Variants in ZBTB20 observed in about 807,000 individuals in gnomAD.
The protein encoded by ZBTB20 is zinc finger and BTB domain-containing protein 20.
A neutral mutation model predicts 56.9 loss-of-function variants in ZBTB20; 9 were observed. The ratio of observed to expected loss-of-function variants is 0.16; its 90% CI spans 0.10 to 0.28. ZBTB20 has a LOEUF of 0.28. Ranked by LOEUF, ZBTB20 falls within the 10% of genes least tolerant of loss-of-function variation. The pLI is 1.00. For synonymous variants in ZBTB20, 417 were observed against 420.7 expected, an observed-to-expected ratio of 0.99 and a Z score of 0.11; for missense variants, 655 against 1,003.0, an observed-to-expected ratio of 0.65 and a Z score of 4.69.
intron 6 of ZBTB20, among the ~76,000 whole-genome samples, chr3:114,627,015 C>A (rs1276167369): frequency 1.3e-5 from 2 of 152,292 alleles, no homozygotes; most frequent in East Asian, 3.9e-4. Flanking sequence ...TTGGCTCAAT[C>A]TCTTCATGGA....
intron 6 of ZBTB20, among the ~76,000 whole-genome samples, chr3:114,507,898 C>T (rs781350732): frequency 4.1e-4 from 62 of 152,010 alleles, no homozygotes; most frequent in Admixed American, 1.4e-3. Flanking sequence ...ATGGTGCTCA[C>T]GTTTTTTATT....
intron 7 of ZBTB20, among the ~76,000 whole-genome samples, chr3:114,412,405 A>C (rs1276976837): frequency 1.3e-5 from 2 of 152,090 alleles, no homozygotes; most frequent in Non-Finnish European, 2.9e-5. Flanking sequence ...CAGAAATAGG[A>C]TTGGAAACAA....
intron 2 of ZBTB20, among the ~76,000 whole-genome samples, chr3:115,011,548 T>C (rs571369045): frequency 6.6e-6 from 1 of 152,038 alleles, no homozygotes; most frequent in South Asian, 2.1e-4. Flanking sequence ...TAGAATAGCA[T>C]ATCTGGTGAA....
intron 5 of ZBTB20, among the ~76,000 whole-genome samples, chr3:114,757,957 TATTA>T (rs1174097612): frequency 1.3e-5 from 2 of 152,118 alleles, no homozygotes; most frequent in Non-Finnish European, 2.9e-5. Flanking sequence ...ATCTTGCAAT[TATTA>T]ATTAGTTAAT....
chr3:114,696,090 G>A (rs2062994601), intron 5 of ZBTB20, among the ~76,000 whole-genome samples: 1 of 151,938 alleles, frequency 6.6e-6, no homozygotes, highest in Non-Finnish European at 1.5e-5. Flanking sequence ...ACAGAGATGG[G>A]ATAATACCAA....
rs574419984 is a variant in ZBTB20, at chr3:114,410,819, G to A, written c.-254-21714C>T. On this transcript the variant is annotated intron_variant, in intron 7 of 11. Transcript: ENST00000675478. Reference sequence around the variant, plus strand: ...CAGACAGGTGGCAGATTTGAGGTCCGGAGGAGAGGAAGGGCTCCATTTTGA... The same window carrying A: ...CAGACAGGTGGCAGATTTGAGGTCCAGAGGAGAGGAAGGGCTCCATTTTGA... Among the ~76,000 whole-genome samples, 7 of 152,202 alleles carry A rather than the reference G, an allele frequency of 4.6e-5. No homozygotes were observed. In the East Asian group the frequency reaches 9.7e-4, roughly 21 times the overall value.
chr3:114,651,706 A>G (rs571240359), intron 6 of ZBTB20, among the ~76,000 whole-genome samples: 1 of 152,228 alleles, frequency 6.6e-6, no homozygotes, highest in African/African-American at 2.4e-5. Flanking sequence ...GAAATAAAAT[A>G]TATTTAGAAA....
Position 114,663,864 on chromosome 3 carries a change from T to C in ZBTB20, c.-295+29664A>G, listed in dbSNP as rs376372752. On this transcript the variant is annotated intron_variant, in intron 6 of 11. Coordinates refer to ENST00000675478, the MANE Select transcript of ZBTB20 (RefSeq NM_001348800.3). The stretch of plus-strand genomic sequence containing the variant: ...CTATCCTAAATATATATGCACCCAA[T>C]ACAGGAGCACCCAGATTCATAAAGC... 2.0e-5 allele frequency among the ~76,000 whole-genome samples: 3 copies of C among 151,138 alleles called. No homozygotes were observed. The South Asian group carries it at 6.3e-4, about 32-fold the overall frequency.
intron 1 of ZBTB20, among the ~76,000 whole-genome samples, chr3:115,080,384 A>T (rs1364779988): frequency 6.6e-6 from 1 of 152,188 alleles, no homozygotes. Flanking sequence ...ACTCAAATCC[A>T]CCTTGGGCTA....
intron 4 of ZBTB20, among the ~76,000 whole-genome samples, chr3:114,809,389 C>A (rs2072349509): frequency 6.6e-6 from 1 of 151,968 alleles, no homozygotes; most frequent in South Asian, 2.1e-4. Flanking sequence ...CAAATTAGAC[C>A]ATTTCTATTA....
chr3:114,491,052 C>T (rs576960987), intron 7 of ZBTB20, among the ~76,000 whole-genome samples: 1 of 152,300 alleles, frequency 6.6e-6, no homozygotes, highest in African/African-American at 2.4e-5. Context: ...GTCTTACTCA[C>T]CTCTGTATTT....
chr3:114,676,566 G>A (rs114541454), intron 6 of ZBTB20, among the ~76,000 whole-genome samples: 3,050 of 151,824 alleles, frequency 0.02, 44 homozygotes, highest in Middle Eastern at 0.055. Flanking sequence ...CAAATGTTCA[G>A]TATGTTGAAC....
At chr3:114,533,293 A>G (rs2048080439) in intron 6 of ZBTB20, among the ~76,000 whole-genome samples, 1 of 152,092 alleles carries the variant, frequency 6.6e-6, no homozygotes, top group Non-Finnish European at 1.5e-5. Flanking sequence ...AGAGAAGAAC[A>G]TAAATTACCT....
At chr3:114,958,735 T>TTAC (rs1210126244) in intron 3 of ZBTB20, among the ~76,000 whole-genome samples, 1 of 151,616 alleles carries the variant, frequency 6.6e-6, no homozygotes. Flanking sequence ...GTAATCCTAG[T>TTAC]TACTCAGGAG....
At chr3:115,082,973 G>A (rs2082851868) in intron 1 of ZBTB20, among the ~76,000 whole-genome samples, 7 of 151,888 alleles carry the variant, frequency 4.6e-5, no homozygotes. Context: ...ATCCTCACAA[G>A]CAAATAAATA....
intron 5 of ZBTB20, among the ~76,000 whole-genome samples, chr3:114,769,884 C>T (rs568443197): frequency 1.3e-5 from 2 of 151,666 alleles, no homozygotes; most frequent in South Asian, 4.2e-4. Flanking sequence ...CATGGTGAAA[C>T]CCTGTCTCTA....
At chr3:114,538,146 AG>A (rs1274864005) in intron 6 of ZBTB20, among the ~76,000 whole-genome samples, 1 of 152,128 alleles carries the variant, frequency 6.6e-6, no homozygotes. Context: ...AATAAAAAAA[AG>A]ATCTAATGGC....
intron 6 of ZBTB20, among the ~76,000 whole-genome samples, chr3:114,506,601 T>A (rs1169165699): frequency 1.3e-5 from 2 of 152,130 alleles, no homozygotes; most frequent in African/African-American, 2.4e-5. Context: ...AACTTTCTCT[T>A]CTATATCTTA....
chr3:114,575,500 A>G (rs558326516), intron 6 of ZBTB20, among the ~76,000 whole-genome samples: 1 of 152,232 alleles, frequency 6.6e-6, no homozygotes, highest in South Asian at 2.1e-4. Flanking sequence ...TTTCTTAATC[A>G]TATCAATAAA....
Sources: allele counts gnomAD v4.1 joint callset (sites outside exome capture counted in the v4.1 genomes callset), GRCh38; gene constraint gnomAD v4.1.1; transcripts MANE v1.5; gene names NCBI Gene and HGNC (gene_info 2026-07-23, HGNC 2026-07-21).